Variants in SDK1 observed in about 807,000 individuals in gnomAD.
SDK1 encodes sidekick cell adhesion molecule 1, also known as protein sidekick-1.
Under a neutral mutation model 245.5 loss-of-function variants are expected in SDK1, and 157 were observed. That is an observed-to-expected ratio of 0.64 (90% CI 0.56 to 0.73). The LOEUF is 0.73. Ranked by LOEUF, SDK1 falls within the 30% of genes least tolerant of loss-of-function variation. SDK1 has a pLI of 0.00. For synonymous variants in SDK1, 1,647 were observed against 1,278.5 expected, an observed-to-expected ratio of 1.29 and a Z score of -6.15; for missense variants, 3,583 against 3,002.3, an observed-to-expected ratio of 1.19 and a Z score of -4.52.
intron 5 of SDK1, among the ~76,000 whole-genome samples, chr7:3,830,279 T>C (rs1053332585): frequency 2.6e-5 from 4 of 152,200 alleles, no homozygotes; most frequent in African/African-American, 9.6e-5. Context: ...GCTGCGATTA[T>C]TGAAAGATAC....
chr7:3,772,410 G>A (rs573125902), intron 4 of SDK1, among the ~76,000 whole-genome samples: 10 of 152,092 alleles, frequency 6.6e-5, no homozygotes, highest in African/African-American at 2.4e-4. Context: ...GTTTTCAGTT[G>A]TTGATGTCAC....
intron 35 of SDK1, among the ~76,000 whole-genome samples, chr7:4,181,251 C>A (rs1000348433): frequency 6.6e-6 from 1 of 152,212 alleles, no homozygotes; most frequent in South Asian, 2.1e-4. Flanking sequence ...GAGGTTCAAC[C>A]GGGTTGTAGC....
intron 4 of SDK1, among the ~76,000 whole-genome samples, chr7:3,724,458 A>G (rs772397156): frequency 1.8e-4 from 27 of 152,230 alleles, no homozygotes; most frequent in Non-Finnish European, 3.2e-4. Flanking sequence ...TTGTACCATC[A>G]CCTTATTATG....
chr7:3,501,738 T>G (rs997283618), intron 1 of SDK1, among the ~76,000 whole-genome samples: 1 of 152,212 alleles, frequency 6.6e-6, no homozygotes, highest in Non-Finnish European at 1.5e-5. Flanking sequence ...TATTTTTTGT[T>G]GAAGTATGTG....
At chr7:3,495,613 A>C (rs1316244940) in intron 1 of SDK1, among the ~76,000 whole-genome samples, 1 of 152,206 alleles carries the variant, frequency 6.6e-6, no homozygotes, top group Non-Finnish European at 1.5e-5. Context: ...AACATTGATG[A>C]AATTACTCTT....
intron 1 of SDK1, among the ~76,000 whole-genome samples, chr7:3,596,240 T>A (rs73673633): frequency 0.15 from 22,052 of 151,992 alleles, 2,707 homozygotes; most frequent in East Asian, 0.34. Context: ...TCTGGCTGGG[T>A]TGCATGAGAG....
At chr7:4,067,979 C>A in intron 20 of SDK1, 43 bp downstream of exon 20, 1 of 1,445,514 alleles carries the variant, frequency 6.9e-7, no homozygotes, top group Non-Finnish European at 9.6e-7. Flanking sequence ...ATAAGTTTGT[C>A]CTCACAAAAA....
chr7:3,677,961 T>C (rs373357985), intron 4 of SDK1, among the ~76,000 whole-genome samples: 89 of 152,236 alleles, frequency 5.8e-4, no homozygotes, highest in African/African-American at 1.7e-3. Context: ...ACAAACAAAG[T>C]ATTTCCCCAG....
intron 1 of SDK1, among the ~76,000 whole-genome samples, chr7:3,570,375 C>T (rs557189371): frequency 2.0e-5 from 3 of 152,112 alleles, no homozygotes; most frequent in Non-Finnish European, 4.4e-5. Context: ...TCTGACCTGA[C>T]GGGAGGAGTT....
intron 28 of SDK1, among the ~76,000 whole-genome samples, chr7:4,134,433 A>C (rs538025513): frequency 6.6e-6 from 1 of 152,312 alleles, no homozygotes; most frequent in East Asian, 1.9e-4. Flanking sequence ...TGCCCAGCAG[A>C]CAGCTGTGGC....
intron 4 of SDK1, among the ~76,000 whole-genome samples, chr7:3,681,703 T>TGTA (rs753157839): frequency 6.6e-6 from 1 of 152,180 alleles, no homozygotes; most frequent in Non-Finnish European, 1.5e-5. Flanking sequence ...GAACAGAACA[T>TGTA]GGGACATAGT....
At chr7:3,795,345 T>G (rs776756193) in intron 4 of SDK1, among the ~76,000 whole-genome samples, 3 of 152,156 alleles carry the variant, frequency 2.0e-5, no homozygotes, top group Non-Finnish European at 4.4e-5. Context: ...AGACTTGGCT[T>G]TCAGTACACC....
chr7:3,753,131 C>T lies in SDK1; in HGVS notation c.714-68319C>T, dbSNP rs1450544376. 2.6e-5 allele frequency among the ~76,000 whole-genome samples: 4 copies of T among 152,064 alleles called. No individual in the cohort carries two copies. The East Asian group carries it at 5.8e-4, about 22-fold the overall frequency. On this transcript the variant is annotated intron_variant, in intron 4 of 44. Transcript: ENST00000404826. ...TCAAAAATTGAGAGAACTAGGATGG[C>T]GGCAATATTTTCAGGAATGGTCATT...
Position 4,132,434 on chromosome 7 carries a change from G to C in SDK1, c.4228+11G>C, listed in dbSNP as rs375594238. 6.3e-7 allele frequency: 1 copy of C among 1,590,332 alleles called. No individual in the cohort carries two copies. ...ACGGCATCATCCTGGGTAAGGGAGC[G>C]GCGGTGGCCGGGCGTGGTGGCTCAG... On this transcript the variant is annotated intron_variant, in intron 28 of 44. Coordinates refer to ENST00000404826, the MANE Select transcript of SDK1 (RefSeq NM_152744.4).
At chr7:3,819,658 T>C (rs1779594799) in intron 4 of SDK1, among the ~76,000 whole-genome samples, 2 of 152,242 alleles carry the variant, frequency 1.3e-5, no homozygotes, top group South Asian at 2.1e-4. Context: ...AATAAAACTC[T>C]ATTGAAATAT....
chr7:4,061,497 G>T (rs1186802840), intron 19 of SDK1, among the ~76,000 whole-genome samples: 1 of 151,986 alleles, frequency 6.6e-6, no homozygotes, highest in Non-Finnish European at 1.5e-5. Context: ...TGCTGGAGAG[G>T]ATGTGGAGAA....
rs1562500841 is a variant in SDK1, at chr7:4,268,738, A to G, written c.*3354A>G. On this transcript the variant is annotated 3_prime_UTR_variant, in exon 45 of 45. Transcript: ENST00000404826. ...ACCTAAGTGTGGCTCCCCGTGGGTC[A>G]GCGTCCTGGTAGCATGGATCCAGTC... 2.2e-6 allele frequency: 3 copies of G among 1,367,832 alleles called. No individual in the cohort carries two copies. The highest frequency in any genetic ancestry group is 4.6e-5 in the East Asian group (1 of 21,970). The allele number at this position is 1,367,832 out of a possible 1,614,324, so 84.7% of individuals were successfully genotyped here.
chr7:4,189,912 G>A (rs1208472326), intron 35 of SDK1, among the ~76,000 whole-genome samples: 1 of 152,068 alleles, frequency 6.6e-6, no homozygotes, highest in Non-Finnish European at 1.5e-5. Flanking sequence ...TTTTAAGAAT[G>A]AAAAAATTGT....
In SDK1 at chr7:4,265,410, C is replaced by G; in HGVS notation, c.*26C>G. 1.4e-6 allele frequency: 2 copies of G among 1,412,042 alleles called. No individual in the cohort carries two copies. The highest frequency in any genetic ancestry group is 1.5e-5 in the South Asian group (1 of 64,944). 87.5% of individuals were successfully genotyped at this position (1,412,042 alleles called of 1,614,324 possible). On this transcript the variant is annotated 3_prime_UTR_variant, in exon 45 of 45. Coordinates refer to ENST00000404826, the MANE Select transcript of SDK1 (RefSeq NM_152744.4). ...GCAAAGCGCCGCGCCTCCCTCAGGG[C>G]GGAACGGAGGCAACTTTCCGGAGTC...
Sources: allele counts gnomAD v4.1 joint callset (sites outside exome capture counted in the v4.1 genomes callset), GRCh38; gene constraint gnomAD v4.1.1; transcripts MANE v1.5; gene names NCBI Gene and HGNC (gene_info 2026-07-23, HGNC 2026-07-21).